TMEM132B: variants seen among roughly 807,000 people sequenced by gnomAD.
TMEM132B encodes the protein transmembrane protein 132B.
Under a neutral mutation model 90.8 loss-of-function variants are expected in TMEM132B, and 18 were observed. The ratio of observed to expected loss-of-function variants is 0.20; its 90% CI spans 0.14 to 0.29. The LOEUF (loss-of-function observed/expected upper bound fraction) is 0.29. TMEM132B is among the 10% of genes least tolerant of loss of function. The pLI, the probability that TMEM132B is intolerant of heterozygous loss-of-function variation, is 1.00. For missense variants in TMEM132B, 1,096 were observed against 1,326.8 expected (o/e 0.83, Z 2.70); for synonymous variants, 504 against 523.3 (o/e 0.96, Z 0.50).
At chr12:125,527,586 GTTTACCCTTCTATCCACCCA>G in intron 4 of TMEM132B, among the ~76,000 whole-genome samples, 1 of 35,112 alleles carries the variant, frequency 2.8e-5, no homozygotes, top group South Asian at 1.1e-3. Context: ...CCATCCACCC[GTTTACCCTTCTATCCACCCA>G]TCCACCCTTC....
At chr12:125,348,528 T>C (rs1480171114) in intron 1 of TMEM132B, among the ~76,000 whole-genome samples, 1 of 143,388 alleles carries the variant, frequency 7.0e-6, no homozygotes, top group Non-Finnish European at 1.5e-5. Context: ...AGAGACAGGG[T>C]CTCACTGTTT....
chr12:125,526,332 G>T (rs1373238411), intron 4 of TMEM132B, among the ~76,000 whole-genome samples: 3 of 152,226 alleles, frequency 2.0e-5, no homozygotes, highest in East Asian at 3.8e-4. Context: ...AAGGGGCAGG[G>T]ATGCCATCCA....
At chr12:125,455,694 G>A (rs948969303) in intron 3 of TMEM132B, among the ~76,000 whole-genome samples, 55 of 151,048 alleles carry the variant, frequency 3.6e-4, no homozygotes, top group African/African-American at 1.3e-3. Flanking sequence ...TAAGTAATCT[G>A]AAGGTATGTG....
intron 3 of TMEM132B, among the ~76,000 whole-genome samples, chr12:125,505,193 A>AAAAAAAAC (rs1566056628): frequency 3.4e-5 from 5 of 145,332 alleles, no homozygotes; most frequent in African/African-American, 1.3e-4. Flanking sequence ...AAAAAAAAAA[A>AAAAAAAAC]AACAGTAAGT....
At chr12:125,310,309 A>G (rs764439187) in intron 1 of TMEM132B, among the ~76,000 whole-genome samples, 2 of 152,174 alleles carry the variant, frequency 1.3e-5, no homozygotes, top group Non-Finnish European at 2.9e-5. Context: ...GGGCAGTGGC[A>G]TGGCTTGTGG....
rs1882377849 is a variant in TMEM132B at position 125,492,319 on chromosome 12, T to A, written c.1107-27120T>A. Among the ~76,000 whole-genome samples the A allele has an allele frequency of 1.3e-5, 2 of 152,218 alleles. No homozygotes were observed. The highest frequency in any genetic ancestry group is 4.8e-5 in the African/African-American group (2 of 41,454). On this transcript the variant is annotated intron_variant, in intron 3 of 8. Transcript: ENST00000682704. This position sits in a 1 kb window ranked among gnomAD's most constrained non-coding sequence, Gnocchi z 5.8. The stretch of plus-strand genomic sequence containing the variant: ...TGCTGCTCACCATTCCTTAGCGGGC[T>A]CTCGCGTGTCCTCCAAACACTGCTG...
At chr12:125,358,043 G>T (rs1374888672) in intron 2 of TMEM132B, among the ~76,000 whole-genome samples, 2 of 152,064 alleles carry the variant, frequency 1.3e-5, no homozygotes, top group Admixed American at 1.3e-4. Context: ...TTTTGTGGTC[G>T]CCTATTATAT....
chr12:125,544,280 C>G (rs1319268961), intron 4 of TMEM132B, among the ~76,000 whole-genome samples: 1 of 152,158 alleles, frequency 6.6e-6, no homozygotes, highest in African/African-American at 2.4e-5. Flanking sequence ...AACAAACCAC[C>G]ATGACACACA....
chr12:125,432,081 C>T (rs767729819), intron 3 of TMEM132B, among the ~76,000 whole-genome samples: 11 of 151,716 alleles, frequency 7.3e-5, no homozygotes, highest in Non-Finnish European at 1.2e-4. Flanking sequence ...GCCACGCTGC[C>T]GGGGTGTTGG....
intron 1 of TMEM132B, among the ~76,000 whole-genome samples, chr12:125,305,974 A>T (rs1254220954): frequency 6.6e-6 from 1 of 152,242 alleles, no homozygotes; most frequent in East Asian, 1.9e-4. Context: ...TCCAGGCTTC[A>T]CTAGCTTTGT....
chr12:125,428,610 A>C (rs1267460732), intron 3 of TMEM132B, among the ~76,000 whole-genome samples: 1 of 152,156 alleles, frequency 6.6e-6, no homozygotes, highest in Non-Finnish European at 1.5e-5. Context: ...TTCCTAGAGA[A>C]AATTCTCCAT....
intron 3 of TMEM132B, among the ~76,000 whole-genome samples, chr12:125,512,829 C>A (rs1258243725): frequency 6.6e-6 from 1 of 152,156 alleles, no homozygotes; most frequent in African/African-American, 2.4e-5. Context: ...ATTCTGAGAG[C>A]CAGCCATTAG....
rs573002808 is a variant in TMEM132B at position 125,656,226 on chromosome 12, G to A, written c.*1516G>A. The A allele has an allele frequency of 6.6e-6, 1 of 152,268 alleles. No individual in the cohort carries two copies. The highest frequency in any genetic ancestry group is 2.1e-4 in the South Asian group (1 of 4,826). The allele number at this position is 152,268 out of a possible 1,614,324, so 9.4% of individuals were successfully genotyped here. A position where few individuals can be genotyped will look rare whatever the true frequency, so the allele number is the denominator to read the frequency against. ...ACTGGACTAGTATGCCTCATTATGA[G>A]CTTTACTGAGCCATTTGCATCTCTA... On this transcript the variant is annotated 3_prime_UTR_variant, in exon 9 of 9. Coordinates refer to ENST00000682704, the MANE Select transcript of TMEM132B (RefSeq NM_001366854.1).
chr12:125,324,736 C>T (rs1876516308), intron 1 of TMEM132B, among the ~76,000 whole-genome samples: 2 of 152,188 alleles, frequency 1.3e-5, no homozygotes, highest in Admixed American at 1.3e-4. Flanking sequence ...CTCCACCATC[C>T]ATGGAAAACT....
At chr12:125,305,878 T>G (rs1312175220) in intron 1 of TMEM132B, among the ~76,000 whole-genome samples, 1 of 152,198 alleles carries the variant, frequency 6.6e-6, no homozygotes, top group Non-Finnish European at 1.5e-5. Context: ...TGTACTCCAG[T>G]GAAGTTAGAG....
chr12:125,569,094 G>C (rs896500662), intron 4 of TMEM132B, among the ~76,000 whole-genome samples: 11 of 152,020 alleles, frequency 7.2e-5, no homozygotes, highest in Non-Finnish European at 7.4e-5. Context: ...GCTGCTCTGG[G>C]CATTGCTCTT....
At chr12:125,264,839 G>C (rs559706717) in intron 1 of TMEM132B, among the ~76,000 whole-genome samples, 1 of 152,298 alleles carries the variant, frequency 6.6e-6, no homozygotes, top group South Asian at 2.1e-4. Flanking sequence ...CATGTGCATA[G>C]ACACGCTCAG....
chr12:125,499,600 G>A (rs929452731), intron 3 of TMEM132B, among the ~76,000 whole-genome samples: 3 of 152,154 alleles, frequency 2.0e-5, no homozygotes, highest in African/African-American at 7.2e-5. Context: ...ATAAGTGGAC[G>A]CATGGGGGGT....
intron 4 of TMEM132B, among the ~76,000 whole-genome samples, chr12:125,576,961 CCTTT>C (rs1373442868): frequency 6.7e-6 from 1 of 148,976 alleles, no homozygotes; most frequent in African/African-American, 2.5e-5. Context: ...TCCTGTGATG[CCTTT>C]CTTTTTTTTT....
Sources: gnomAD v4.1 joint callset for allele counts (sites outside exome capture counted in the v4.1 genomes callset) on GRCh38, gnomAD v4.1.1 for gene constraint, Gnocchi (gnomAD v3.1) non-coding constraint, MANE v1.5 for transcripts, NCBI Gene and HGNC (gene_info 2026-07-23, HGNC 2026-07-21) for gene names.